The following AHRR variants were observed in gnomAD, a reference collection of about 807,000 sequenced individuals.
AHRR encodes the protein aryl hydrocarbon receptor repressor.
A neutral mutation model predicts 44.0 loss-of-function variants in AHRR; 28 were observed. The ratio of observed to expected loss-of-function variants is 0.64; its 90% CI spans 0.47 to 0.87. The LOEUF (loss-of-function observed/expected upper bound fraction) is 0.87. AHRR is among the 40% of genes least tolerant of loss of function. The probability of loss-of-function intolerance (pLI) is 0.00; values close to 1 mark genes in which losing one functional copy is unlikely to be tolerated. For missense variants in AHRR, 990 were observed against 953.9 expected, an observed-to-expected ratio of 1.04 and a Z score of -0.50; for synonymous variants, 434 against 407.0, an observed-to-expected ratio of 1.07 and a Z score of -0.80.
At chr5:367,895 T>C (rs1743422464) in intron 3 of AHRR, 1 of 702,544 alleles carries the variant, frequency 1.4e-6, no homozygotes, top group Non-Finnish European at 2.6e-6. Flanking sequence ...CCCCGAGCAT[T>C]GGACACCCAG....
intron 7 of AHRR, chr5:427,590 T>G (rs1736489120): frequency 6.2e-7 from 1 of 1,604,140 alleles, no homozygotes; most frequent in African/African-American, 1.3e-5. Context: ...AAACTGGGAG[T>G]GGGGGATGGT....
At position 395,349 on chromosome 5, in the gene AHRR, G is replaced by A. The variant is rs1734653626; in HGVS notation, c.352-17995G>A. 6.6e-6 allele frequency among the ~76,000 whole-genome samples: 1 copy of A among 152,200 alleles called. No individual in the cohort carries two copies. The highest frequency in any genetic ancestry group is 1.9e-4 in the East Asian group (1 of 5,190). On this transcript the variant is annotated intron_variant, in intron 4 of 10. Coordinates refer to ENST00000684583, the MANE Select transcript of AHRR (RefSeq NM_001377236.1). This position sits in a 1 kb window ranked among gnomAD's most constrained non-coding sequence, Gnocchi z 5.3. ...CTGAACGCCAGGCTGAGCAGGGTCC[G>A]AAAATTAGGGGAATAAAAGTCCCGG...
At chr5:417,795 T>C (rs1735895581) in intron 5 of AHRR, among the ~76,000 whole-genome samples, 1 of 152,250 alleles carries the variant, frequency 6.6e-6, no homozygotes, top group Admixed American at 6.5e-5. Context: ...AATCAGGCAT[T>C]GCCTCTAGTT....
At position 405,807 on chromosome 5, in the gene AHRR, G is replaced by T. The variant is rs1735231026; in HGVS notation, c.352-7537G>T. 6.6e-6 allele frequency among the ~76,000 whole-genome samples: 1 copy of T among 152,238 alleles called. No individual in the cohort carries two copies. The highest frequency in any genetic ancestry group is 2.4e-5 in the African/African-American group (1 of 41,462). On this transcript the variant is annotated intron_variant, in intron 4 of 10. Transcript: ENST00000684583. The surrounding 1 kb of genome is among the most constrained non-coding windows in gnomAD (Gnocchi z 4.5). The stretch of plus-strand genomic sequence containing the variant: ...TTTCTTTTATATTTTCACGGCACGT[G>T]TGACTTTTCTTTTTGGATACTTTAC...
chr5:349,097 C>T (rs1263877271), intron 2 of AHRR, among the ~76,000 whole-genome samples: 2 of 152,184 alleles, frequency 1.3e-5, no homozygotes, highest in Non-Finnish European at 2.9e-5. Context: ...TGCTTCTTCA[C>T]CATCCATATA....
chr5:364,528 C>T (rs542903544), intron 3 of AHRR, among the ~76,000 whole-genome samples: 176 of 150,708 alleles, frequency 1.2e-3, no homozygotes, highest in Non-Finnish European at 1.9e-3. Context: ...AATCATCAAC[C>T]GTAGAAATGG....
At position 434,031 on chromosome 5, in the gene AHRR, C is replaced by A. The variant is rs111768223; in HGVS notation, c.1291C>A (p.Arg431Ser). 2 of 1,605,082 alleles carry A rather than the reference C, an allele frequency of 1.2e-6. No individual in the cohort carries two copies. The highest frequency in any genetic ancestry group is 1.7e-6 in the Non-Finnish European group (2 of 1,176,392). Residue 431 changes from arginine (R) to serine (S), a missense_variant, in exon 11 of 11, where the codon CGC becomes AGC. By Grantham distance (110) the Arg-to-Ser change is moderately radical. Coordinates refer to ENST00000684583, the MANE Select transcript of AHRR (RefSeq NM_001377236.1). ...NDPPSLRPMP[R>S]GSCLPCPCVQ... ...CCCGCCCTCCCTGCGCCCCATGCCC[C>A]GCGGCTCCTGCCTGCCCTGCCCGTG...
chr5:336,874 G>T (rs1360725597), intron 1 of AHRR, among the ~76,000 whole-genome samples: 1 of 152,008 alleles, frequency 6.6e-6, no homozygotes, highest in Non-Finnish European at 1.5e-5. Flanking sequence ...ATTCTTTGGT[G>T]TGTGGCTTTG....
rs1009897100 is a variant in AHRR at position 404,420 on chromosome 5, G to A, written c.352-8924G>A. The A allele has an allele frequency of 1.9e-6, 1 of 538,236 alleles. No homozygotes were observed. Among genetic ancestry groups the A allele is most frequent in the Non-Finnish European group, 3.8e-6 (1 of 264,262 alleles). 33.3% of individuals were successfully genotyped at this position (538,236 alleles called of 1,614,324 possible). On this transcript the variant is annotated intron_variant, in intron 4 of 10. Coordinates refer to ENST00000684583, the MANE Select transcript of AHRR (RefSeq NM_001377236.1). The surrounding 1 kb of genome is among the most constrained non-coding windows in gnomAD (Gnocchi z 4.1). ...CATGATTTAGGAAGGAGAGTCTTGG[G>A]GCAGAAGCAACAGGGGACCACTGTG... is the stretch of plus-strand genomic sequence containing the variant.
intron 4 of AHRR, among the ~76,000 whole-genome samples, chr5:403,184 G>A (rs954543904): frequency 2.0e-5 from 3 of 152,162 alleles, no homozygotes; most frequent in Admixed American, 1.3e-4. Flanking sequence ...GGCAGAAAGC[G>A]GGTGGGACGT....
intron 3 of AHRR, among the ~76,000 whole-genome samples, chr5:363,976 T>A (rs76439097): frequency 6.6e-6 from 1 of 152,362 alleles, no homozygotes; most frequent in East Asian, 1.9e-4. Context: ...CCTGTTCTAA[T>A]GCAAGTAAAA....
rs765144182 is a variant in AHRR, at chr5:427,986, C to G, written c.888C>G (p.Thr296=). The G allele has an allele frequency of 1.5e-5, 25 of 1,613,728 alleles. No individual in the cohort carries two copies. In the East Asian group the frequency reaches 5.1e-4, roughly 33 times the overall value. The part of the protein sequence containing the change: ...ALLRAKPRAD[T]AATADAKVKA... Reference sequence around the variant, plus strand: ...TGAGGGCAAAACCCAGAGCAGACACCGCAGCCACCGCGGATGCAAAGTGAG... The same window carrying G: ...TGAGGGCAAAACCCAGAGCAGACACGGCAGCCACCGCGGATGCAAAGTGAG... Residue 296 remains threonine, a synonymous_variant, in exon 8 of 11, where the codon ACC becomes ACG. Transcript: ENST00000684583.
chr5:421,123 C>A (rs1475125231), intron 5 of AHRR: 1 of 555,424 alleles, frequency 1.8e-6, no homozygotes, highest in African/African-American at 2.0e-5. Context: ...CTGGAGCGTT[C>A]GCGCCTTAAC....
At chr5:430,040 G>A (rs1736653111) in intron 8 of AHRR, among the ~76,000 whole-genome samples, 1 of 152,214 alleles carries the variant, frequency 6.6e-6, no homozygotes, top group Non-Finnish European at 1.5e-5. Context: ...GTGCAGACCG[G>A]AGCAGACGTC....
chr5:390,255 C>T (rs2126468174), intron 4 of AHRR, among the ~76,000 whole-genome samples: 1 of 152,246 alleles, frequency 6.6e-6, no homozygotes, highest in East Asian at 1.9e-4. Context: ...CCCCATCCTC[C>T]ATGTGACCGT....
intron 3 of AHRR, 122 bp from the exon 4 acceptor site, chr5:376,488 C>G: frequency 2.7e-5 from 1 of 36,446 alleles, no homozygotes; most frequent in Non-Finnish European, 7.4e-5. Context: ...CAGTGCAGCC[C>G]AGGCCAGATG....
chr5:405,300 C>T lies in AHRR; in HGVS notation c.352-8044C>T, dbSNP rs921505194. 2.0e-5 allele frequency among the ~76,000 whole-genome samples: 3 copies of T among 152,176 alleles called. No individual in the cohort carries two copies. Among genetic ancestry groups the T allele is most frequent in the Non-Finnish European group, 2.9e-5 (2 of 68,030 alleles). ...ATGGTTCATGGTAGCTCCTCAGATG[C>T]TCCCGTGGATGCAGATGTCCTGCGG... On this transcript the variant is annotated intron_variant, in intron 4 of 10. Transcript: ENST00000684583. The surrounding 1 kb of genome is among the most constrained non-coding windows in gnomAD (Gnocchi z 4.5).
intron 6 of AHRR, 35 bp downstream of exon 6, chr5:422,893 C>G (rs1373356699): frequency 1.3e-6 from 2 of 1,590,840 alleles, no homozygotes; most frequent in Non-Finnish European, 1.7e-6. Flanking sequence ...TCAGCAAAAC[C>G]TAAAGCAGGT....
intron 3 of AHRR, among the ~76,000 whole-genome samples, chr5:354,562 C>T (rs923903658): frequency 6.6e-5 from 10 of 152,190 alleles, no homozygotes; most frequent in Admixed American, 2.0e-4. Flanking sequence ...GTTATTGCTG[C>T]CCTGGGAGCT....
Sources: allele counts gnomAD v4.1 joint callset (sites outside exome capture counted in the v4.1 genomes callset), GRCh38; gene constraint gnomAD v4.1.1; non-coding constraint Gnocchi (gnomAD v3.1); transcripts MANE v1.5; gene names NCBI Gene and HGNC (gene_info 2026-07-23, HGNC 2026-07-21).